The following COX7B2 variants were observed in gnomAD, a reference collection of about 807,000 sequenced individuals.
The protein encoded by COX7B2 is cytochrome c oxidase subunit 7B2, also known as cytochrome c oxidase subunit 7B2, mitochondrial.
For missense variants in COX7B2, 109 were observed against 95.9 expected (o/e 1.14, Z -0.57); for synonymous variants, 37 against 32.1 (o/e 1.15, Z -0.51).
chr4:46,759,261 A>T (rs1395427769), intron 2 of COX7B2, among the ~76,000 whole-genome samples: 3 of 152,154 alleles, frequency 2.0e-5, no homozygotes. Flanking sequence ...AAATAAACTA[A>T]GAAGTCCTTC....
chr4:46,809,133 C>G (rs1270400157), intron 2 of COX7B2, among the ~76,000 whole-genome samples: 1 of 151,678 alleles, frequency 6.6e-6, no homozygotes, highest in Non-Finnish European at 1.5e-5. Context: ...TCCTTGATAT[C>G]CTTTTTATTT....
At chr4:46,777,087 G>A (rs533468485) in intron 2 of COX7B2, among the ~76,000 whole-genome samples, 29 of 152,214 alleles carry the variant, frequency 1.9e-4, no homozygotes, top group Middle Eastern at 6.8e-3. Flanking sequence ...TAATATATAT[G>A]TGTGTTAGTA....
intron 1 of COX7B2, among the ~76,000 whole-genome samples, chr4:46,901,030 T>G (rs1720043011): frequency 6.6e-6 from 1 of 152,236 alleles, no homozygotes; most frequent in South Asian, 2.1e-4. Flanking sequence ...CTTATTATAA[T>G]TTCTGCCTTT....
At chr4:46,750,271 G>C (rs1200963127) in intron 2 of COX7B2, among the ~76,000 whole-genome samples, 1 of 148,170 alleles carries the variant, frequency 6.7e-6, no homozygotes, top group Non-Finnish European at 1.5e-5. Flanking sequence ...GCACATGCCT[G>C]TAGTCCTAGC....
intron 1 of COX7B2, among the ~76,000 whole-genome samples, chr4:46,891,920 C>T (rs973650910): frequency 5.9e-5 from 9 of 152,208 alleles, no homozygotes; most frequent in African/African-American, 1.9e-4. Context: ...TGGTCCAGCT[C>T]TGCGAAACAC....
chr4:46,902,790 T>C (rs998796294), intron 1 of COX7B2, among the ~76,000 whole-genome samples: 8 of 152,068 alleles, frequency 5.3e-5, no homozygotes, highest in Admixed American at 5.2e-4. Context: ...GGCACAAGAA[T>C]CACTTGAACC....
At chr4:46,865,401 G>T (rs1191085235) in intron 1 of COX7B2, among the ~76,000 whole-genome samples, 5 of 152,138 alleles carry the variant, frequency 3.3e-5, no homozygotes, top group Non-Finnish European at 7.4e-5. Flanking sequence ...ACTGTGTATT[G>T]TGTTGTGATA....
intron 2 of COX7B2, among the ~76,000 whole-genome samples, chr4:46,764,434 A>T (rs907266783): frequency 6.6e-6 from 1 of 151,858 alleles, no homozygotes; most frequent in Admixed American, 6.6e-5. Flanking sequence ...AATCCCAGCT[A>T]CTCGGGGCTG....
At chr4:46,882,939 T>C (rs941023265) in intron 1 of COX7B2, among the ~76,000 whole-genome samples, 4 of 152,208 alleles carry the variant, frequency 2.6e-5, no homozygotes, top group Non-Finnish European at 4.4e-5. Context: ...AATTTTGCAA[T>C]GGGAAAGAGA....
chr4:46,868,640 C>G (rs1426101127), intron 1 of COX7B2, among the ~76,000 whole-genome samples: 1 of 152,152 alleles, frequency 6.6e-6, no homozygotes, highest in African/African-American at 2.4e-5. Context: ...AAAAATCACT[C>G]AGGGGCATGT....
At chr4:46,769,693 T>G (rs1716758800) in intron 2 of COX7B2, among the ~76,000 whole-genome samples, 1 of 152,130 alleles carries the variant, frequency 6.6e-6, no homozygotes, top group African/African-American at 2.4e-5. Context: ...CCATCATGGG[T>G]GACAGAGTGA....
intron 2 of COX7B2, among the ~76,000 whole-genome samples, chr4:46,791,904 A>G (rs186499768): frequency 6.6e-6 from 1 of 152,332 alleles, no homozygotes; most frequent in African/African-American, 2.4e-5. Context: ...ATACACTACA[A>G]GAAAGATGGC....
At chr4:46,843,925 G>T (rs940949428) in intron 2 of COX7B2, among the ~76,000 whole-genome samples, 1 of 151,856 alleles carries the variant, frequency 6.6e-6, no homozygotes, top group Non-Finnish European at 1.5e-5. Context: ...AATTCTATGG[G>T]GTTATTCCCT....
chr4:46,789,566 T>C (rs1248280910), intron 2 of COX7B2, among the ~76,000 whole-genome samples: 1 of 152,212 alleles, frequency 6.6e-6, no homozygotes, highest in Admixed American at 6.5e-5. Context: ...ATTAACAATG[T>C]ACTGGACCAT....
chr4:46,865,514 C>T (rs562114039), intron 1 of COX7B2, among the ~76,000 whole-genome samples: 1 of 152,290 alleles, frequency 6.6e-6, no homozygotes, highest in African/African-American at 2.4e-5. Context: ...AGATGTGGTG[C>T]TGTGGTAAGA....
intron 1 of COX7B2, among the ~76,000 whole-genome samples, chr4:46,904,430 T>TTC (rs1258460379): frequency 6.6e-6 from 1 of 152,146 alleles, no homozygotes. Context: ...AAAATGGCCC[T>TTC]TAAAGAAATG....
chr4:46,782,362 G>A lies in COX7B2; in HGVS notation c.-49-47121C>T, dbSNP rs528150407. On this transcript the variant is annotated intron_variant, in intron 2 of 2. Coordinates refer to ENST00000355591, the MANE Select transcript of COX7B2 (RefSeq NM_130902.3). ...TCAAGGTTTGTAAATGCACCAATCA[G>A]TGCTTGTGTCTAGCTAATCTAGTGG... is the stretch of plus-strand genomic sequence containing the variant. 1.2e-3 allele frequency among the ~76,000 whole-genome samples: 182 copies of A among 149,108 alleles called. 1 individual carries two copies. The highest frequency in any genetic ancestry group is 4.3e-3 in the African/African-American group (172 of 40,446).
chr4:46,870,055 G>A (rs1308224469), intron 1 of COX7B2, among the ~76,000 whole-genome samples: 1 of 152,054 alleles, frequency 6.6e-6, no homozygotes, highest in African/African-American at 2.4e-5. Context: ...CATACTTGGA[G>A]GTTTTATTCA....
chr4:46,741,528 T>C (rs1212939933), intron 2 of COX7B2, among the ~76,000 whole-genome samples: 3 of 152,020 alleles, frequency 2.0e-5, no homozygotes, highest in South Asian at 4.1e-4. Flanking sequence ...TTCTCCGCCA[T>C]GAATGACACC....
Sources: gnomAD v4.1 joint callset for allele counts (sites outside exome capture counted in the v4.1 genomes callset) on GRCh38, gnomAD v4.1.1 for gene constraint, MANE v1.5 for transcripts, NCBI Gene and HGNC (gene_info 2026-07-23, HGNC 2026-07-21) for gene names.